Variants in DOCK11 observed in about 807,000 individuals in gnomAD.
DOCK11 encodes dedicator of cytokinesis protein 11.
In DOCK11, 70 loss-of-function variants were observed where a neutral mutation model predicts 169.1. The observed-to-expected ratio is 0.41, with a 90% CI of 0.34 to 0.51. The LOEUF (loss-of-function observed/expected upper bound fraction) is 0.51. DOCK11 is among the 20% of genes least tolerant of loss of function. The pLI is 0.10. For synonymous variants in DOCK11, 529 were observed against 541.3 expected (o/e 0.98, Z 0.32); for missense variants, 1,166 against 1,538.8 (o/e 0.76, Z 4.05).
At chrX:118,647,653 T>C (rs1407417676) in intron 40 of DOCK11, among the ~76,000 whole-genome samples, 2 of 58,554 alleles carry the variant, frequency 3.4e-5, no homozygotes, top group African/African-American at 1.5e-4. Context: ...TATATGTTTA[T>C]ATATTATATA....
chrX:118,519,089 C>T (rs955201099), intron 1 of DOCK11, among the ~76,000 whole-genome samples: 2 of 111,772 alleles, frequency 1.8e-5, no homozygotes, highest in Non-Finnish European at 3.8e-5. Flanking sequence ...TTTGTCCCAT[C>T]TCGATAATTT....
intron 6 of DOCK11, among the ~76,000 whole-genome samples, chrX:118,553,127 T>C (rs752116080): frequency 8.1e-4 from 90 of 111,597 alleles, no homozygotes; most frequent in Non-Finnish European, 1.5e-3. Flanking sequence ...AGAGAATACA[T>C]GATCCTTTAG....
In DOCK11 at chrX:118,628,297, A is replaced by G. The variant is rs776426671; in HGVS notation, c.3774+25A>G. 3.8e-6 allele frequency: 4 copies of G among 1,044,931 alleles called. No homozygotes were observed. The East Asian group carries it at 1.2e-4, about 32-fold the overall frequency. The allele number at this position is 1,044,931 out of a possible 1,213,427, so 86.1% of individuals were successfully genotyped here. A position where few individuals can be genotyped will look rare whatever the true frequency, so the allele number is the denominator to read the frequency against. ...TGTAAGAACTTAAATATATAGGATG[A>G]CCCTAGTGACACATTAGCCTGCAAC... On this transcript the variant is annotated intron_variant, in intron 34 of 52. Coordinates refer to ENST00000276202, the MANE Select transcript of DOCK11 (RefSeq NM_144658.4).
intron 30 of DOCK11, among the ~76,000 whole-genome samples, chrX:118,616,469 C>T (rs2014815196): frequency 9.0e-6 from 1 of 110,970 alleles, no homozygotes; most frequent in African/African-American, 3.3e-5. Context: ...TCCCTCAAAA[C>T]ACAAGTTCCT....
At chrX:118,639,956 T>C (rs2015488552) in intron 38 of DOCK11, among the ~76,000 whole-genome samples, 1 of 112,471 alleles carries the variant, frequency 8.9e-6, no homozygotes, top group African/African-American at 3.2e-5. Flanking sequence ...ATTTTTATAT[T>C]GAGTATTCTT....
chrX:118,514,374 G>A (rs767827443), intron 1 of DOCK11, among the ~76,000 whole-genome samples: 26 of 111,267 alleles, frequency 2.3e-4, no homozygotes, highest in South Asian at 1.1e-3. Flanking sequence ...ACGTTCCTGC[G>A]GGGTGAAACA....
At chrX:118,546,202 A>C in intron 6 of DOCK11, 86 bp downstream of exon 6, 1 of 231,326 alleles carries the variant, frequency 4.3e-6, no homozygotes, top group Non-Finnish European at 7.1e-6. Flanking sequence ...TTTTACAAAG[A>C]GCCCTAGCAA....
intron 1 of DOCK11, among the ~76,000 whole-genome samples, chrX:118,508,250 G>A (rs1194823504): frequency 9.0e-6 from 1 of 111,681 alleles, no homozygotes; most frequent in Non-Finnish European, 1.9e-5. Flanking sequence ...AGGTACCTGG[G>A]ATCATTTTCA....
chrX:118,588,690 G>A (rs2013893051), intron 18 of DOCK11, among the ~76,000 whole-genome samples: 1 of 112,323 alleles, frequency 8.9e-6, no homozygotes, highest in South Asian at 3.7e-4. Flanking sequence ...CTTTAAAAAT[G>A]CCAGGTTTTG....
intron 16 of DOCK11, among the ~76,000 whole-genome samples, chrX:118,586,241 G>A (rs1027526248): frequency 3.6e-5 from 4 of 111,408 alleles, no homozygotes; most frequent in African/African-American, 9.8e-5. Context: ...GTATTACTCC[G>A]TTTTTCACAC....
intron 1 of DOCK11, among the ~76,000 whole-genome samples, chrX:118,507,077 TCTC>T (rs1210494341): frequency 8.9e-6 from 1 of 112,541 alleles, no homozygotes; most frequent in African/African-American, 3.2e-5. Flanking sequence ...CTGCGATTCT[TCTC>T]CACTTTTATT....
intron 38 of DOCK11, among the ~76,000 whole-genome samples, chrX:118,639,805 C>T (rs779263728): frequency 7.2e-5 from 8 of 111,549 alleles, no homozygotes; most frequent in Non-Finnish European, 1.1e-4. Flanking sequence ...CATCTCTCTG[C>T]TATGTATATA....
chrX:118,546,359 C>T (rs2012283756), intron 6 of DOCK11, among the ~76,000 whole-genome samples: 2 of 110,958 alleles, frequency 1.8e-5, no homozygotes, highest in Admixed American at 1.9e-4. Flanking sequence ...AAAAAGGAGG[C>T]TGTCAGTTGA....
At chrX:118,627,020 A>G (rs188135780) in intron 32 of DOCK11, among the ~76,000 whole-genome samples, 46 of 112,256 alleles carry the variant, frequency 4.1e-4, no homozygotes, top group African/African-American at 1.5e-3. Flanking sequence ...ACTTGAGTCC[A>G]GGAGTTTGAG....
intron 32 of DOCK11, among the ~76,000 whole-genome samples, chrX:118,626,717 T>C (rs1367517813): frequency 8.9e-6 from 1 of 112,421 alleles, no homozygotes; most frequent in Non-Finnish European, 1.9e-5. Flanking sequence ...TCATGTCAAC[T>C]GGCTGAATGT....
chrX:118,662,896 A>G (rs1194084254), intron 45 of DOCK11, 104 bp downstream of exon 45: 1 of 526,391 alleles, frequency 1.9e-6, no homozygotes, highest in Non-Finnish European at 3.2e-6. Context: ...AAGGTAACTA[A>G]GGGTTAATGA....
chrX:118,661,671 A>G (rs2016218661), intron 44 of DOCK11, among the ~76,000 whole-genome samples: 1 of 112,136 alleles, frequency 8.9e-6, no homozygotes, highest in African/African-American at 3.2e-5. Flanking sequence ...TGTTATAAAG[A>G]GGCAGAATTT....
intron 40 of DOCK11, among the ~76,000 whole-genome samples, chrX:118,647,725 TTAATATAATA>T (rs1241219663): frequency 1.1e-4 from 5 of 44,689 alleles, no homozygotes; most frequent in East Asian, 7.7e-4. Context: ...TATATAATAA[TTAATATAATA>T]TAATATAATA....
intron 39 of DOCK11, among the ~76,000 whole-genome samples, chrX:118,642,136 C>G (rs1157598541): frequency 8.9e-6 from 1 of 111,902 alleles, no homozygotes; most frequent in African/African-American, 3.2e-5. Flanking sequence ...AAATGCAACA[C>G]AACTCCATGT....
Sources: gnomAD v4.1 joint callset for allele counts (sites outside exome capture counted in the v4.1 genomes callset) on GRCh38, gnomAD v4.1.1 for gene constraint, MANE v1.5 for transcripts, NCBI Gene and HGNC (gene_info 2026-07-23, HGNC 2026-07-21) for gene names.